The following OR4K1 variants were observed in gnomAD, a reference collection of about 807,000 sequenced individuals.
OR4K1 encodes olfactory receptor family 4 subfamily K member 1.
OR4K1 carries 16 observed loss-of-function variants against 14.4 expected under a neutral mutation model. That is an observed-to-expected ratio of 1.11 (90% CI 0.75 to 1.68). OR4K1 has a LOEUF of 1.68. Among genes scored for constraint, OR4K1 ranks in the 40% most tolerant of loss-of-function variants. OR4K1 has a pLI of 0.00. For missense variants in OR4K1, 548 were observed against 376.9 expected (o/e 1.45, Z -3.76); for synonymous variants, 181 against 133.1 (o/e 1.36, Z -2.48).
At chr14:19,933,295 T>C (rs2138593536) in intron 1 of OR4K1, among the ~76,000 whole-genome samples, 1 of 152,328 alleles carries the variant, frequency 6.6e-6, no homozygotes, top group African/African-American at 2.4e-5. Flanking sequence ...TAACTGCATT[T>C]AATAGGCTTT....
chr14:19,931,389 G>C (rs1352768576), intron 1 of OR4K1: 1 of 152,378 alleles, frequency 6.6e-6, no homozygotes, highest in Non-Finnish European at 1.5e-5. Context: ...CTGATAAACA[G>C]AGGAACATAT....
At chr14:19,921,430 A>G in the OR4K1 span, 1 of 1,614,118 alleles carries the variant, frequency 6.2e-7, no homozygotes, top group Non-Finnish European at 8.5e-7. Context: ...GCCATATTTT[A>G]CACTGTTTTC....
At chr14:19,921,011 C>G in the OR4K1 span, 1 of 1,614,190 alleles carries the variant, frequency 6.2e-7, no homozygotes. Flanking sequence ...ATGTGGTCAT[C>G]ATGAGCCGAA....
the OR4K1 span, among the ~76,000 whole-genome samples, chr14:19,922,077 C>CA: frequency 3.1e-5 from 4 of 129,438 alleles, no homozygotes; most frequent in Non-Finnish European, 5.3e-5. Flanking sequence ...ACTCCCCCCC[C>CA]CAAAAATCAA....
chr14:19,928,115 C>T (rs1030364975), upstream of OR4K1, among the ~76,000 whole-genome samples: 2 of 152,180 alleles, frequency 1.3e-5, no homozygotes, highest in Non-Finnish European at 2.9e-5. Flanking sequence ...GTTGAAATGA[C>T]AGTTAATTTG....
chr14:19,922,590 T>G, the OR4K1 span, among the ~76,000 whole-genome samples: 2 of 55,868 alleles, frequency 3.6e-5, no homozygotes, highest in Non-Finnish European at 1.1e-4. Context: ...GCCTATGGTA[T>G]TTTTTTTTTT....
the OR4K1 span, chr14:19,920,611 A>C: frequency 6.2e-7 from 1 of 1,601,856 alleles, no homozygotes; most frequent in Non-Finnish European, 8.5e-7. Context: ...GGAACCATGG[A>C]TAAGTCCAAT....
the OR4K1 span, among the ~76,000 whole-genome samples, chr14:19,923,423 G>T: frequency 1.3e-5 from 2 of 152,064 alleles, no homozygotes; most frequent in Middle Eastern, 3.4e-3. Context: ...CAACCAGCTC[G>T]TCAGATTTCT....
the OR4K1 span, among the ~76,000 whole-genome samples, chr14:19,924,077 G>C: frequency 2.0e-5 from 3 of 152,194 alleles, no homozygotes; most frequent in African/African-American, 7.2e-5. Flanking sequence ...GCACTAAAGT[G>C]AAATTCATCT....
Position 19,936,330 on chromosome 14 carries a change from T to A in OR4K1, c.664T>A (p.Leu222Met), listed in dbSNP as rs1204895112. Reference sequence around the variant, plus strand: ...TTTAATTATTTCCTACACCATCATTTTGATCGGTGTCCGATGCAGGTCCTC... The same window carrying A: ...TTTAATTATTTCCTACACCATCATTATGATCGGTGTCCGATGCAGGTCCTC... ...LALIISYTII[L>M]IGVRCRSSSG... is the part of the protein sequence containing the mutation. Residue 222 changes from leucine (L) to methionine (M), a missense_variant, in exon 2 of 2, where the codon TTG becomes ATG. Coordinates refer to ENST00000641172, the MANE Select transcript of OR4K1 (RefSeq NM_001004063.3). 4 of 1,614,164 alleles carry A rather than the reference T, an allele frequency of 2.5e-6. No individual in the cohort carries two copies. The highest frequency in any genetic ancestry group is 3.4e-6 in the Non-Finnish European group (4 of 1,180,052).
chr14:19,922,649 T>C, the OR4K1 span, among the ~76,000 whole-genome samples: 1 of 111,876 alleles, frequency 8.9e-6, no homozygotes, highest in African/African-American at 3.2e-5. Context: ...AGTTTTTACA[T>C]GTACTCTTTT....
At chr14:19,921,208 T>A in the OR4K1 span, 2 of 1,614,174 alleles carry the variant, frequency 1.2e-6, no homozygotes, top group Non-Finnish European at 1.7e-6. Flanking sequence ...CTAATTGTGG[T>A]CAATAGTGGA....
chr14:19,926,103 A>T (rs1201611152), upstream of OR4K1, among the ~76,000 whole-genome samples: 1 of 152,262 alleles, frequency 6.6e-6, no homozygotes, highest in African/African-American at 2.4e-5. Flanking sequence ...CATGGAGAAG[A>T]TCCTTGCCAT....
chr14:19,936,441 A>G lies in OR4K1; in HGVS notation c.775A>G (p.Ile259Val), dbSNP rs1447087408. 10 of 1,613,990 alleles carry G rather than the reference A, an allele frequency of 6.2e-6. No individual in the cohort carries two copies. The highest frequency in any genetic ancestry group is 1.6e-4 in the Middle Eastern group (1 of 6,082). Residue 259 changes from isoleucine (I) to valine (V), a missense_variant, in exon 2 of 2, where the codon ATA (isoleucine) becomes GTA (valine). Physicochemically the swap from Ile to Val is conservative, Grantham distance 29. Transcript: ENST00000641172. ...LFFGPCIYFY[I>V]WPFSRLPVDK... ...CTTCGGGCCTTGCATTTATTTCTAT[A>G]TATGGCCTTTTAGCAGACTTCCTGT...
At chr14:19,921,338 T>A in the OR4K1 span, 267 of 1,613,968 alleles carry the variant, frequency 1.7e-4, no homozygotes, top group South Asian at 2.7e-3. Context: ...CTTCCCATAT[T>A]GCAGTAGTAA....
chr14:19,925,444 A>G, the OR4K1 span, among the ~76,000 whole-genome samples: 188 of 152,390 alleles, frequency 1.2e-3, 1 homozygote, highest in African/African-American at 4.4e-3. Flanking sequence ...CAATGAGTTA[A>G]TTAACATATT....
upstream of OR4K1, among the ~76,000 whole-genome samples, chr14:19,927,883 C>T (rs118009123): frequency 0.093 from 14,001 of 150,454 alleles, 488 homozygotes; most frequent in Non-Finnish European, 0.13. Context: ...CAGAGATTGT[C>T]TCTGGAATTA....
Position 19,936,494 on chromosome 14 carries a change from T to C in OR4K1, c.828T>C (p.Thr276=), listed in dbSNP as rs2138599861. 1.2e-6 allele frequency: 2 copies of C among 1,613,982 alleles called. No individual in the cohort carries two copies. The highest frequency in any genetic ancestry group is 2.2e-5 in the East Asian group (1 of 44,888). The part of the protein sequence containing the change: ...PVDKFLSVFY[T]VCTPLLNPII... ...ACAAATTTCTTTCTGTGTTCTACAC[T>C]GTTTGTACTCCCTTGTTGAACCCCA... is the stretch of plus-strand genomic sequence containing the variant. Residue 276 remains threonine, a synonymous_variant, in exon 2 of 2, where the codon ACT becomes ACC. Transcript: ENST00000641172.
chr14:19,935,874 G>A lies in OR4K1; in HGVS notation c.208G>A (p.Asp70Asn), dbSNP rs764562835. 1.9e-6 allele frequency: 3 copies of A among 1,614,052 alleles called. No individual in the cohort carries two copies. The highest frequency in any genetic ancestry group is 2.2e-5 in the East Asian group (1 of 44,898). ...CTTGCTCAGTAATCTTTCTTTCATT[G>A]ATATCTGTCAGTCTAACTTTGCCAC... is the stretch of plus-strand genomic sequence containing the variant. The part of the protein sequence containing the change: ...YFLLSNLSFI[D>N]ICQSNFATPK... The change falls in exon 2 of 2, where the codon GAT becomes AAT. Residue 70 changes from aspartate (D) to asparagine (N), a missense_variant. Asp to Asn is a conservative substitution (Grantham distance 23, BLOSUM62 1). Transcript: ENST00000641172.
Sources: allele counts gnomAD v4.1 joint callset (sites outside exome capture counted in the v4.1 genomes callset), GRCh38; gene constraint gnomAD v4.1.1; transcripts MANE v1.5; gene names NCBI Gene and HGNC (gene_info 2026-07-23, HGNC 2026-07-21).